Variants in GABRG2 observed in about 807,000 individuals in gnomAD.
GABRG2 encodes gamma-aminobutyric acid receptor subunit gamma-2.
GABRG2 carries 16 observed loss-of-function variants against 56.4 expected under a neutral mutation model. That is an observed-to-expected ratio of 0.28 (90% CI 0.19 to 0.43). The LOEUF (loss-of-function observed/expected upper bound fraction) is 0.43, where lower values mean the gene tolerates loss of function less well. GABRG2 is among the 20% of genes least tolerant of loss of function. The pLI is 1.00. For missense variants in GABRG2, 327 were observed against 582.7 expected (o/e 0.56, Z 4.52); for synonymous variants, 208 against 205.5 (o/e 1.01, Z -0.10).
Position 162,102,324 on chromosome 5 carries a change from C to A in GABRG2, c.631+1007C>A, listed in dbSNP as rs78201613. ...CTGTGCTTTAGAGAGATAAGCCTTCCTTTCTTTTAATACTCCAATTGGGAC... is the reference window on the plus strand; with the variant it reads ...CTGTGCTTTAGAGAGATAAGCCTTCATTTCTTTTAATACTCCAATTGGGAC... On this transcript the variant is annotated intron_variant, in intron 5 of 9. Transcript: ENST00000639213. The A allele has an allele frequency of 4.4e-3, 1,427 of 324,772 alleles. 29 individuals carry two copies. Among genetic ancestry groups the A allele is most frequent in the African/African-American group, 0.029 (1,330 of 46,260 alleles). The allele number at this position is 324,772 out of a possible 1,614,324, so 20.1% of individuals were successfully genotyped here.
chr5:162,081,756 C>G (rs1247908798), intron 1 of GABRG2, among the ~76,000 whole-genome samples: 1 of 151,886 alleles, frequency 6.6e-6, no homozygotes, highest in Non-Finnish European at 1.5e-5. Context: ...ATAAAAACCA[C>G]TCTAGCAAGT....
At chr5:162,136,575 G>T (rs1225569288) in intron 6 of GABRG2, among the ~76,000 whole-genome samples, 4 of 151,906 alleles carry the variant, frequency 2.6e-5, no homozygotes, top group Non-Finnish European at 4.4e-5. Context: ...ATGATGGCAG[G>T]AAGAATAAAG....
intron 1 of GABRG2, among the ~76,000 whole-genome samples, chr5:162,091,796 T>A (rs919328158): frequency 3.3e-5 from 5 of 152,170 alleles, no homozygotes; most frequent in Non-Finnish European, 5.9e-5. Context: ...CCATTATACT[T>A]GACTCATTTA....
chr5:162,147,245 CTCTT>C (rs975811159), intron 7 of GABRG2, among the ~76,000 whole-genome samples: 14 of 148,832 alleles, frequency 9.4e-5, no homozygotes, highest in Non-Finnish European at 1.6e-4. Context: ...TTCTTTCTTT[CTCTT>C]TATTTCTTTC....
At chr5:162,148,438 TA>T (rs33995879) in intron 7 of GABRG2, among the ~76,000 whole-genome samples, 44,118 of 152,070 alleles carry the variant, frequency 0.29, 6,857 homozygotes, top group East Asian at 0.48. Flanking sequence ...TATAATAATC[TA>T]AAAAGAATCC....
Position 162,151,879 on chromosome 5 carries a change from G to C in GABRG2, c.1152+126G>C, listed in dbSNP as rs1232963384. ...GCATTCTACTAGAGATAATATGTTGGAGAAAGTTCTACAGACTTCTAGAGT... is the reference window on the plus strand; with the variant it reads ...GCATTCTACTAGAGATAATATGTTGCAGAAAGTTCTACAGACTTCTAGAGT... On this transcript the variant is annotated intron_variant, in intron 9 of 9. Coordinates refer to ENST00000639213, the MANE Select transcript of GABRG2 (RefSeq NM_198904.4). 3 of 843,942 alleles carry C rather than the reference G, an allele frequency of 3.6e-6. No individual in the cohort carries two copies. In the Admixed American group the frequency reaches 6.5e-5, roughly 18 times the overall value. 52.3% of individuals were successfully genotyped at this position (843,942 alleles called of 1,614,324 possible).
intron 6 of GABRG2, among the ~76,000 whole-genome samples, chr5:162,125,705 G>GT (rs1763296903): frequency 6.6e-6 from 1 of 151,642 alleles, no homozygotes. Context: ...TCAGATGAAC[G>GT]TAATAAAAGA....
chr5:162,136,411 G>A (rs920447626), intron 6 of GABRG2, among the ~76,000 whole-genome samples: 1 of 151,832 alleles, frequency 6.6e-6, no homozygotes, highest in Non-Finnish European at 1.5e-5. Context: ...TTTAAAGTAT[G>A]TTTAATATGG....
chr5:162,112,258 G>A, intron 6 of GABRG2, among the ~76,000 whole-genome samples: 1 of 79,358 alleles, frequency 1.3e-5, no homozygotes, highest in South Asian at 4.9e-4. Flanking sequence ...GATCAAAAAA[G>A]CATTTTTTTT....
At chr5:162,143,452 A>G (rs1442501210) in intron 7 of GABRG2, among the ~76,000 whole-genome samples, 1 of 152,180 alleles carries the variant, frequency 6.6e-6, no homozygotes, top group Non-Finnish European at 1.5e-5. Context: ...GTTTCTTCAC[A>G]TGGGGAAGAA....
chr5:162,085,362 GC>G (rs1403576982), intron 1 of GABRG2, among the ~76,000 whole-genome samples: 1 of 151,826 alleles, frequency 6.6e-6, no homozygotes, highest in Non-Finnish European at 1.5e-5. Flanking sequence ...CTACTGAAGT[GC>G]TTTATAAAGA....
chr5:162,074,720 A>G (rs1261272069), intron 1 of GABRG2, among the ~76,000 whole-genome samples: 25 of 152,084 alleles, frequency 1.6e-4, no homozygotes, highest in Admixed American at 1.6e-3. Flanking sequence ...CTAAACATAA[A>G]AGTAGAAATT....
rs1759331220 is a variant in GABRG2 at position 162,078,386 on chromosome 5, TA to T, written c.107+10281del. The stretch of plus-strand genomic sequence containing the variant: ...GCATCTTACTATATATATATATATA[TA>T]TATATATATATTTTTTTTTTTTTTT... On this transcript the variant is annotated intron_variant, in intron 1 of 9. Coordinates refer to ENST00000639213, the MANE Select transcript of GABRG2 (RefSeq NM_198904.4). 9.6e-3 allele frequency among the ~76,000 whole-genome samples: 374 copies of T among 38,760 alleles called. 6 individuals carry two copies. The highest frequency in any genetic ancestry group is 0.016 in the Non-Finnish European group (293 of 18,300). The allele number at this position is 38,760 out of a possible 152,430, so 25.4% of individuals were successfully genotyped here.
intron 6 of GABRG2, among the ~76,000 whole-genome samples, chr5:162,122,864 A>T (rs1348386116): frequency 6.6e-6 from 1 of 151,752 alleles, no homozygotes; most frequent in Non-Finnish European, 1.5e-5. Flanking sequence ...TAAGAAAATA[A>T]AAAAAGAAGG....
chr5:162,123,378 A>AATG (rs200190692), intron 6 of GABRG2, among the ~76,000 whole-genome samples: 1 of 148,456 alleles, frequency 6.7e-6, no homozygotes, highest in Non-Finnish European at 1.5e-5. Flanking sequence ...TTATTTATCT[A>AATG]ATTATCTAAT....
At chr5:162,109,612 A>T (rs2113409761) in intron 6 of GABRG2, among the ~76,000 whole-genome samples, 1 of 151,640 alleles carries the variant, frequency 6.6e-6, no homozygotes, top group East Asian at 1.9e-4. Flanking sequence ...CTTAAAGGTG[A>T]TTATAGATAA....
chr5:162,071,354 AT>A (rs1364455552), intron 1 of GABRG2, among the ~76,000 whole-genome samples: 3 of 151,644 alleles, frequency 2.0e-5, no homozygotes, highest in Non-Finnish European at 3.0e-5. Flanking sequence ...AAATGTTTTT[AT>A]TTTATTAGAA....
chr5:162,147,267 CTTTCTTT>C (rs1314419322), intron 7 of GABRG2, among the ~76,000 whole-genome samples: 1 of 144,374 alleles, frequency 6.9e-6, no homozygotes, highest in Non-Finnish European at 1.6e-5. Context: ...TTCTTTCATT[CTTTCTTT>C]TTTCTTTTTC....
chr5:162,140,924 G>T (rs1764513845), intron 6 of GABRG2, among the ~76,000 whole-genome samples: 12 of 152,166 alleles, frequency 7.9e-5, no homozygotes, highest in Admixed American at 7.8e-4. Flanking sequence ...TTCAAATTGT[G>T]TCACAATAAA....
Sources: gnomAD v4.1 joint callset for allele counts (sites outside exome capture counted in the v4.1 genomes callset) on GRCh38, gnomAD v4.1.1 for gene constraint, MANE v1.5 for transcripts, NCBI Gene and HGNC (gene_info 2026-07-23, HGNC 2026-07-21) for gene names.